The following UNC13C variants were observed in gnomAD, a reference collection of about 807,000 sequenced individuals.
UNC13C encodes the protein unc-13 homolog C, also known as protein unc-13 homolog C.
UNC13C carries 174 observed loss-of-function variants against 245.4 expected under a neutral mutation model. That is an observed-to-expected ratio of 0.71 (90% CI 0.63 to 0.80). UNC13C has a LOEUF of 0.80. Among genes scored for constraint, UNC13C ranks in the 30% least tolerant of loss-of-function variants. The pLI, the probability that UNC13C is intolerant of heterozygous loss-of-function variation, is 0.00. For missense variants in UNC13C, 2,829 were observed against 2,602.9 expected, an observed-to-expected ratio of 1.09 and a Z score of -1.89; for synonymous variants, 992 against 895.1, an observed-to-expected ratio of 1.11 and a Z score of -1.93.
chr15:53,943,586 A>G, the UNC13C span, among the ~76,000 whole-genome samples: 1 of 152,148 alleles, frequency 6.6e-6, no homozygotes, highest in Non-Finnish European at 1.5e-5. Flanking sequence ...AACTGTTTTA[A>G]AATATTTATA....
At chr15:54,599,220 A>C (rs750198178) in intron 30 of UNC13C, among the ~76,000 whole-genome samples, 12 of 152,142 alleles carry the variant, frequency 7.9e-5, no homozygotes, top group Non-Finnish European at 1.3e-4. Flanking sequence ...AGAGGTTCAG[A>C]GAGGTTAAAT....
At chr15:53,850,433 T>G in the UNC13C span, among the ~76,000 whole-genome samples, 68,612 of 151,860 alleles carry the variant, frequency 0.45, 15,901 homozygotes, top group Middle Eastern at 0.59. Context: ...TTTTTTTAAT[T>G]AAATTTTCAT....
Position 54,314,529 on chromosome 15 carries a change from C to A in UNC13C, c.4269-7410C>A, listed in dbSNP as rs1164179140. Among the ~76,000 whole-genome samples the A allele has an allele frequency of 3.8e-4, 57 of 151,592 alleles. 1 individual carries two copies. The highest frequency in any genetic ancestry group is 3.0e-5 in the Non-Finnish European group (2 of 67,762). ...GGTTAAGAAGGAGTCTCTAAAGATA[C>A]ACTGCCTGAATTCCAGTCTTTGAGA... On this transcript the variant is annotated intron_variant, in intron 13 of 32. Transcript: ENST00000260323.
At chr15:54,501,643 A>G (rs1273303219) in intron 22 of UNC13C, among the ~76,000 whole-genome samples, 1 of 152,146 alleles carries the variant, frequency 6.6e-6, no homozygotes, top group Non-Finnish European at 1.5e-5. Flanking sequence ...CATGACATAA[A>G]CTAATTGAAA....
chr15:54,615,439 A>T (rs1365980338), intron 30 of UNC13C, among the ~76,000 whole-genome samples: 1 of 151,952 alleles, frequency 6.6e-6, no homozygotes, highest in Non-Finnish European at 1.5e-5. Context: ...CTCAGTGATC[A>T]CCAAGAAGAA....
the UNC13C span, among the ~76,000 whole-genome samples, chr15:53,934,523 A>G: frequency 6.6e-6 from 1 of 152,242 alleles, no homozygotes; most frequent in Non-Finnish European, 1.5e-5. Flanking sequence ...CTAGAATAAC[A>G]AGCAAAGCTA....
At chr15:54,322,128 A>G (rs200936384) in intron 14 of UNC13C, 33 bp downstream of exon 14, 19 of 1,519,152 alleles carry the variant, frequency 1.3e-5, no homozygotes, top group Non-Finnish European at 1.7e-5. Context: ...TAAAATTCCT[A>G]GCAGCTTATG....
At chr15:53,924,050 C>A in the UNC13C span, among the ~76,000 whole-genome samples, 7 of 151,864 alleles carry the variant, frequency 4.6e-5, no homozygotes, top group South Asian at 2.1e-4. Context: ...TAAAAACACA[C>A]AAAAAAATTA....
At chr15:53,996,285 G>A (rs757970977) in intron 1 of UNC13C, among the ~76,000 whole-genome samples, 7 of 152,234 alleles carry the variant, frequency 4.6e-5, no homozygotes, top group Non-Finnish European at 8.8e-5. Flanking sequence ...ACTTCAGTTC[G>A]TCTTTAATCA....
intron 17 of UNC13C, among the ~76,000 whole-genome samples, chr15:54,349,307 C>T (rs1197035095): frequency 2.0e-5 from 3 of 151,288 alleles, no homozygotes; most frequent in South Asian, 2.1e-4. Context: ...TATGAAAATT[C>T]AGAGCCTGAA....
At chr15:54,109,676 A>G (rs1476649518) in intron 2 of UNC13C, among the ~76,000 whole-genome samples, 1 of 152,056 alleles carries the variant, frequency 6.6e-6, no homozygotes, top group East Asian at 1.9e-4. Context: ...TTGCTATTTT[A>G]CTTCACAACT....
intron 2 of UNC13C, among the ~76,000 whole-genome samples, chr15:54,054,293 T>C (rs1293414893): frequency 6.6e-6 from 1 of 152,184 alleles, no homozygotes; most frequent in African/African-American, 2.4e-5. Flanking sequence ...GGTTCTGTAT[T>C]AGTATCCATC....
At chr15:54,234,458 T>G (rs926556314) in intron 4 of UNC13C, among the ~76,000 whole-genome samples, 5 of 152,182 alleles carry the variant, frequency 3.3e-5, no homozygotes, top group Admixed American at 2.0e-4. Context: ...GCAATAAACA[T>G]CGTTCTACAA....
chr15:54,460,104 G>A (rs973660524), intron 19 of UNC13C, among the ~76,000 whole-genome samples: 3 of 152,138 alleles, frequency 2.0e-5, no homozygotes, highest in African/African-American at 7.2e-5. Context: ...TTGATATGGT[G>A]CTCTCCCCCT....
the UNC13C span, among the ~76,000 whole-genome samples, chr15:53,943,260 A>G: frequency 5.9e-5 from 9 of 152,074 alleles, no homozygotes; most frequent in Non-Finnish European, 1.2e-4. Context: ...ATGCAATTCT[A>G]TTTTATTTGC....
intron 17 of UNC13C, among the ~76,000 whole-genome samples, chr15:54,357,252 A>G (rs1054163375): frequency 6.6e-5 from 10 of 152,012 alleles, no homozygotes; most frequent in Non-Finnish European, 1.5e-4. Context: ...CATTGTCTTA[A>G]AGCAGTGTTT....
In UNC13C at chr15:54,461,212, A is replaced by C. The variant is rs530688879; in HGVS notation, c.4934-33396A>C. ...ATTATAGGTTGAGCATCCCAAATCC[A>C]AATATTCAAAATCTGAAATGTTCTC... On this transcript the variant is annotated intron_variant, in intron 19 of 32. Transcript: ENST00000260323. Among the ~76,000 whole-genome samples, 9 of 152,284 alleles carry C rather than the reference A, an allele frequency of 5.9e-5. No homozygotes were observed. In the East Asian group the frequency reaches 1.7e-3, roughly 29 times the overall value.
chr15:54,576,474 C>T (rs1023378641), intron 30 of UNC13C, among the ~76,000 whole-genome samples: 2 of 152,182 alleles, frequency 1.3e-5, no homozygotes, highest in Non-Finnish European at 2.9e-5. Flanking sequence ...ATCCCCGCCG[C>T]AAACTTCTAA....
intron 1 of UNC13C, among the ~76,000 whole-genome samples, chr15:53,996,243 G>C (rs1280436937): frequency 6.6e-6 from 1 of 152,214 alleles, no homozygotes; most frequent in Middle Eastern, 3.4e-3. Context: ...TTGTAATTTT[G>C]TTCCAATTGT....
Sources: allele counts gnomAD v4.1 joint callset (sites outside exome capture counted in the v4.1 genomes callset), GRCh38; gene constraint gnomAD v4.1.1; transcripts MANE v1.5; gene names NCBI Gene and HGNC (gene_info 2026-07-23, HGNC 2026-07-21).